The following STAU2 variants were observed in gnomAD, a reference collection of about 807,000 sequenced individuals.
STAU2 encodes the protein double-stranded RNA-binding protein Staufen homolog 2.
Under a neutral mutation model 65.9 loss-of-function variants are expected in STAU2, and 20 were observed. The ratio of observed to expected loss-of-function variants is 0.30; its 90% confidence interval spans 0.21 to 0.44. STAU2 has a LOEUF of 0.44. STAU2 is among the 20% of genes least tolerant of loss of function. STAU2 has a pLI of 1.00. For missense variants in STAU2, 558 were observed against 683.9 expected (o/e 0.82, Z 2.05); for synonymous variants, 232 against 233.9 (o/e 0.99, Z 0.07).
intron 2 of STAU2, 136 bp from the exon 3 acceptor site, chr8:73,738,485 A>AT (rs1202679665): frequency 3.0e-6 from 2 of 661,798 alleles, no homozygotes; most frequent in Non-Finnish European, 2.4e-6. Flanking sequence ...TTCTATGATG[A>AT]TAAAAATGTT....
At chr8:73,551,703 G>A in intron 13 of STAU2, 1 of 1,031,964 alleles carries the variant, frequency 9.7e-7, no homozygotes, top group Non-Finnish European at 1.2e-6. Context: ...GGAAGACAGA[G>A]CGAAGAGATA....
At chr8:73,477,564 T>C (rs1024656702) in intron 13 of STAU2, among the ~76,000 whole-genome samples, 1 of 152,148 alleles carries the variant, frequency 6.6e-6, no homozygotes, top group African/African-American at 2.4e-5. Context: ...CTTCAGAAAA[T>C]CAATTTGGCT....
chr8:73,473,827 C>G (rs979069237), intron 13 of STAU2, among the ~76,000 whole-genome samples: 2 of 152,196 alleles, frequency 1.3e-5, no homozygotes, highest in Non-Finnish European at 2.9e-5. Flanking sequence ...CCACCTCACC[C>G]TCATGCCAAG....
intron 9 of STAU2, among the ~76,000 whole-genome samples, chr8:73,609,873 G>T (rs1413734662): frequency 6.6e-6 from 1 of 152,078 alleles, no homozygotes; most frequent in African/African-American, 2.4e-5. Context: ...TGTTTAATTT[G>T]ACTCAAAGAA....
chr8:73,551,955 T>A (rs772659172), intron 13 of STAU2, 57 bp downstream of exon 13: 2 of 1,514,912 alleles, frequency 1.3e-6, no homozygotes, highest in Admixed American at 2.2e-5. Flanking sequence ...TGTATACAGA[T>A]GAAGAATCTG....
intron 6 of STAU2, among the ~76,000 whole-genome samples, chr8:73,627,551 A>G (rs1165359421): frequency 6.6e-6 from 1 of 151,988 alleles, no homozygotes; most frequent in Non-Finnish European, 1.5e-5. Flanking sequence ...ATTTTAGTTA[A>G]TTCTCTCACC....
intron 6 of STAU2, chr8:73,669,053 A>AG (rs1480431846): frequency 1.8e-6 from 1 of 541,636 alleles, no homozygotes; most frequent in East Asian, 3.1e-5. Flanking sequence ...GACAAGGAAA[A>AG]GACATCTCCT....
intron 2 of STAU2, among the ~76,000 whole-genome samples, chr8:73,739,457 C>A (rs1467738007): frequency 6.6e-6 from 1 of 152,042 alleles, no homozygotes; most frequent in Non-Finnish European, 1.5e-5. Context: ...AACTGTTATG[C>A]TGCTAAATTT....
At chr8:73,621,402 T>C (rs1813222541) in intron 6 of STAU2, among the ~76,000 whole-genome samples, 1 of 152,250 alleles carries the variant, frequency 6.6e-6, no homozygotes, top group Non-Finnish European at 1.5e-5. Flanking sequence ...CTCTTTTCTT[T>C]ATAAATCACC....
At chr8:73,561,645 C>T (rs1808241764) in intron 12 of STAU2, 1 of 423,836 alleles carries the variant, frequency 2.4e-6, no homozygotes, top group Non-Finnish European at 4.7e-6. Context: ...TCTACCGCAG[C>T]AGCTTCCAAA....
At chr8:73,694,889 C>G (rs559962999) in intron 4 of STAU2, among the ~76,000 whole-genome samples, 1 of 152,334 alleles carries the variant, frequency 6.6e-6, no homozygotes, top group East Asian at 1.9e-4. Context: ...CAGCCAGCAC[C>G]TGCACAGGGA....
At chr8:73,605,477 C>G (rs1811945746) in intron 9 of STAU2, among the ~76,000 whole-genome samples, 1 of 151,560 alleles carries the variant, frequency 6.6e-6, no homozygotes, top group African/African-American at 2.4e-5. Context: ...CCTGGTTAAT[C>G]TCTGTATTTT....
At chr8:73,493,342 T>A (rs985227169) in intron 13 of STAU2, among the ~76,000 whole-genome samples, 1 of 151,690 alleles carries the variant, frequency 6.6e-6, no homozygotes, top group Non-Finnish European at 1.5e-5. Context: ...TAAGGAAGCC[T>A]AAGAGACTAA....
At chr8:73,580,789 T>C (rs1809921969) in intron 12 of STAU2, among the ~76,000 whole-genome samples, 4 of 152,174 alleles carry the variant, frequency 2.6e-5, no homozygotes, top group Admixed American at 2.6e-4. Flanking sequence ...GCTGCCCTTA[T>C]CCTCTATCGT....
chr8:73,558,418 T>C (rs1807946025), intron 12 of STAU2, among the ~76,000 whole-genome samples: 1 of 152,260 alleles, frequency 6.6e-6, no homozygotes, highest in Admixed American at 6.5e-5. Flanking sequence ...TCAGTAGATC[T>C]GTGCTTCTTT....
intron 1 of STAU2, chr8:73,742,213 T>C: frequency 4.1e-6 from 4 of 984,888 alleles, no homozygotes; most frequent in Non-Finnish European, 3.6e-6. Flanking sequence ...TGCAGAGCAG[T>C]TTTATACTAC....
chr8:73,643,925 C>T (rs184948012), intron 6 of STAU2, among the ~76,000 whole-genome samples: 15 of 152,288 alleles, frequency 9.8e-5, no homozygotes, highest in African/African-American at 2.9e-4. Flanking sequence ...ATATAAAATG[C>T]TACAGCTGCA....
In STAU2 at chr8:73,450,512, G is replaced by A. The variant is rs1585782962; in HGVS notation, c.1531-27810C>T. Among the ~76,000 whole-genome samples, 5 of 152,284 alleles carry A rather than the reference G, an allele frequency of 3.3e-5. No homozygotes were observed. The South Asian group carries it at 1.0e-3, about 32-fold the overall frequency. ...TTACCCTCTAGTAATAAGACGTTTG[G>A]GGGCTAGGACTTCAGAAAAGTTCAA... On this transcript the variant is annotated intron_variant, in intron 13 of 14. Transcript: ENST00000524300.
chr8:73,456,042 C>G (rs1250075794), intron 13 of STAU2, among the ~76,000 whole-genome samples: 2 of 152,204 alleles, frequency 1.3e-5, no homozygotes, highest in Non-Finnish European at 2.9e-5. Context: ...GATCCATGTA[C>G]TGGTACAAAT....
Sources: allele counts gnomAD v4.1 joint callset (sites outside exome capture counted in the v4.1 genomes callset), GRCh38; gene constraint gnomAD v4.1.1; transcripts MANE v1.5; gene names NCBI Gene and HGNC (gene_info 2026-07-23, HGNC 2026-07-21).